HMGCLL1: variants seen among roughly 807,000 people sequenced by gnomAD.
The protein encoded by HMGCLL1 is 3-hydroxymethyl-3-methylglutaryl-CoA lyase, cytoplasmic.
In HMGCLL1, 36 loss-of-function variants were observed where a neutral mutation model predicts 39.1. The ratio of observed to expected loss-of-function variants is 0.92; its 90% CI spans 0.71 to 1.22. HMGCLL1 has a LOEUF of 1.22. Among genes scored for constraint, HMGCLL1 ranks in the 50% most tolerant of loss-of-function variants. The pLI is 0.00. For synonymous variants in HMGCLL1, 149 were observed against 144.0 expected (o/e 1.03, Z -0.25); for missense variants, 451 against 416.5 (o/e 1.08, Z -0.72).
intron 1 of HMGCLL1, among the ~76,000 whole-genome samples, chr6:55,574,654 A>C (rs1771676698): frequency 6.6e-6 from 1 of 152,056 alleles, no homozygotes; most frequent in Admixed American, 6.6e-5. Context: ...CAAATAGAAA[A>C]CAGTATGATG....
intron 7 of HMGCLL1, among the ~76,000 whole-genome samples, chr6:55,475,167 G>A (rs1765231829): frequency 6.6e-6 from 1 of 151,474 alleles, no homozygotes; most frequent in South Asian, 2.1e-4. Flanking sequence ...TTCCCCAGCT[G>A]GGATAAGGTA....
At chr6:55,624,006 C>T in the HMGCLL1 span, among the ~76,000 whole-genome samples, 7 of 152,218 alleles carry the variant, frequency 4.6e-5, no homozygotes, top group South Asian at 6.2e-4. Flanking sequence ...ACCACAATGA[C>T]GTTTTGGATC....
At chr6:55,655,694 CAA>C in the HMGCLL1 span, among the ~76,000 whole-genome samples, 1 of 152,004 alleles carries the variant, frequency 6.6e-6, no homozygotes, top group Non-Finnish European at 1.5e-5. Flanking sequence ...CTAAATCTGT[CAA>C]CCACCTTCAT....
intron 7 of HMGCLL1, among the ~76,000 whole-genome samples, chr6:55,456,667 G>A (rs1206628531): frequency 6.6e-6 from 1 of 152,122 alleles, no homozygotes; most frequent in African/African-American, 2.4e-5. Flanking sequence ...GGTATCTCAA[G>A]TAGAGCCCAT....
At chr6:55,585,111 G>A in the HMGCLL1 span, among the ~76,000 whole-genome samples, 2 of 152,028 alleles carry the variant, frequency 1.3e-5, no homozygotes, top group Non-Finnish European at 2.9e-5. Flanking sequence ...AGTTCCATTA[G>A]CAATAGAATT....
At chr6:55,458,577 T>C (rs1280962305) in intron 7 of HMGCLL1, among the ~76,000 whole-genome samples, 1 of 152,146 alleles carries the variant, frequency 6.6e-6, no homozygotes, top group East Asian at 1.9e-4. Flanking sequence ...GGAGGAGTAT[T>C]TGGTGTGTTT....
At chr6:55,600,905 A>G in the HMGCLL1 span, among the ~76,000 whole-genome samples, 1 of 152,186 alleles carries the variant, frequency 6.6e-6, no homozygotes, top group African/African-American at 2.4e-5. Flanking sequence ...AAAATCTGAT[A>G]AGCAAATTAT....
chr6:55,514,818 C>A (rs915482885), intron 4 of HMGCLL1, among the ~76,000 whole-genome samples: 6 of 152,096 alleles, frequency 3.9e-5, no homozygotes, highest in African/African-American at 1.4e-4. Context: ...TTTTTGTCAA[C>A]TTTATTCCTT....
chr6:55,456,691 C>T (rs982849951), intron 7 of HMGCLL1, among the ~76,000 whole-genome samples: 8 of 152,252 alleles, frequency 5.3e-5, no homozygotes, highest in Middle Eastern at 3.4e-3. Flanking sequence ...TTCTTTGTGT[C>T]CTCCAATGCC....
chr6:55,565,166 C>T (rs894844273), intron 1 of HMGCLL1, among the ~76,000 whole-genome samples: 9 of 152,146 alleles, frequency 5.9e-5, no homozygotes, highest in African/African-American at 1.4e-4. Flanking sequence ...AAAACATTCA[C>T]GCTTTGGTAC....
At chr6:55,630,888 A>G in the HMGCLL1 span, among the ~76,000 whole-genome samples, 1 of 152,076 alleles carries the variant, frequency 6.6e-6, no homozygotes, top group African/African-American at 2.4e-5. Context: ...TAAATTGCCC[A>G]GTCTCGGGTA....
rs1360315708 is a variant in HMGCLL1, at chr6:55,518,433, G to A, written c.298-1830C>T. 2.0e-5 allele frequency among the ~76,000 whole-genome samples: 3 copies of A among 152,244 alleles called. No homozygotes were observed. In the East Asian group the frequency reaches 5.8e-4, roughly 29 times the overall value. ...CACACCAATATTTCTGGTCCTGTAT[G>A]TTCTTCCAGGATCTCACCACTTTTC... is the stretch of plus-strand genomic sequence containing the variant. On this transcript the variant is annotated intron_variant, in intron 3 of 8. Coordinates refer to ENST00000274901, the MANE Select transcript of HMGCLL1 (RefSeq NM_001042406.2).
At chr6:55,520,054 C>T (rs751554232) in intron 3 of HMGCLL1, among the ~76,000 whole-genome samples, 33 of 129,306 alleles carry the variant, frequency 2.6e-4, no homozygotes, top group Non-Finnish European at 4.4e-4. Context: ...ACAATGAGAA[C>T]ACATGGACAC....
At chr6:55,568,525 T>C (rs113394006) in intron 1 of HMGCLL1, among the ~76,000 whole-genome samples, 41 of 152,304 alleles carry the variant, frequency 2.7e-4, no homozygotes, top group Admixed American at 2.0e-3. Context: ...TCAAGTTTAC[T>C]TATATTTTAA....
the HMGCLL1 span, among the ~76,000 whole-genome samples, chr6:55,649,438 G>A: frequency 6.6e-6 from 1 of 150,618 alleles, no homozygotes; most frequent in Non-Finnish European, 1.5e-5. Context: ...TCCTGTTAGA[G>A]TTCCCCTGAA....
At chr6:55,447,567 T>C (rs1461283968) in intron 7 of HMGCLL1, among the ~76,000 whole-genome samples, 1 of 151,772 alleles carries the variant, frequency 6.6e-6, no homozygotes, top group Non-Finnish European at 1.5e-5. Context: ...GAAATGGGAG[T>C]GTGTACACTG....
Position 55,435,562 on chromosome 6 carries a change from C to T in HMGCLL1, c.*100G>A. 1 of 556,168 alleles carries T rather than the reference C, an allele frequency of 1.8e-6. No individual in the cohort carries two copies. Among genetic ancestry groups the T allele is most frequent in the Non-Finnish European group, 3.2e-6 (1 of 315,948 alleles). 34.5% of individuals were successfully genotyped at this position (556,168 alleles called of 1,614,324 possible). A position where few individuals can be genotyped will look rare whatever the true frequency, so the allele number is the denominator to read the frequency against. On this transcript the variant is annotated 3_prime_UTR_variant, in exon 9 of 9. Transcript: ENST00000274901. ...GGATCTCTTTTTTCCCACTCTTGTCCATTACTTCACATATCAGAGCAAGTT... is the reference window on the plus strand; with the variant it reads ...GGATCTCTTTTTTCCCACTCTTGTCTATTACTTCACATATCAGAGCAAGTT...
At chr6:55,568,133 T>C (rs903459619) in intron 1 of HMGCLL1, among the ~76,000 whole-genome samples, 2 of 152,166 alleles carry the variant, frequency 1.3e-5, no homozygotes, top group African/African-American at 4.8e-5. Flanking sequence ...CATTTACTAA[T>C]TGGTATTATT....
the HMGCLL1 span, among the ~76,000 whole-genome samples, chr6:55,589,708 A>G: frequency 3.3e-5 from 5 of 152,160 alleles, no homozygotes; most frequent in Non-Finnish European, 7.4e-5. Context: ...GCAAAGTCTC[A>G]GGATACAAAA....
Sources: gnomAD v4.1 joint callset for allele counts (sites outside exome capture counted in the v4.1 genomes callset) on GRCh38, gnomAD v4.1.1 for gene constraint, MANE v1.5 for transcripts, NCBI Gene and HGNC (gene_info 2026-07-23, HGNC 2026-07-21) for gene names.